SMOC2: variants seen among roughly 807,000 people sequenced by gnomAD.
The protein encoded by SMOC2 is SPARC related modular calcium binding 2, also known as SPARC-related modular calcium-binding protein 2.
A neutral mutation model predicts 61.4 loss-of-function variants in SMOC2; 39 were observed. That is an observed-to-expected ratio of 0.64 (90% CI 0.49 to 0.83). SMOC2 has a LOEUF of 0.83. Ranked by LOEUF, SMOC2 falls within the 40% of genes least tolerant of loss-of-function variation. SMOC2 has a pLI of 0.00. For synonymous variants in SMOC2, 247 were observed against 239.9 expected (o/e 1.03, Z -0.27); for missense variants, 556 against 592.9 (o/e 0.94, Z 0.65).
chr6:168,545,445 CGA>C (rs983319007), intron 5 of SMOC2, among the ~76,000 whole-genome samples: 1 of 152,168 alleles, frequency 6.6e-6, no homozygotes, highest in African/African-American at 2.4e-5. Context: ...CACAGCTCTT[CGA>C]GATTTTTGTT....
intron 12 of SMOC2, 46 bp downstream of exon 12, chr6:168,664,157 A>G (rs1430776274): frequency 6.9e-7 from 1 of 1,450,850 alleles, no homozygotes; most frequent in African/African-American, 1.4e-5. Flanking sequence ...TTTTTAAATT[A>G]TAAACAATAA....
chr6:168,598,957 G>T lies in SMOC2; in HGVS notation c.777G>T (p.Trp259Cys). ...VQCHPSTGYC[W>C]CVLVDTGRPI... Reference sequence around the variant, plus strand: ...GCCACCCCTCCACGGGGTACTGCTGGTGCGTCCTGGTGGACACGGGGCGCC... The same window carrying T: ...GCCACCCCTCCACGGGGTACTGCTGTTGCGTCCTGGTGGACACGGGGCGCC... The change falls in exon 8 of 13, where the codon TGG becomes TGT. Residue 259 changes from tryptophan to cysteine, a missense_variant. Physicochemically the swap from Trp to Cys is radical, Grantham distance 215. Coordinates refer to ENST00000356284, the MANE Select transcript of SMOC2 (RefSeq NM_001166412.2). 1 of 1,613,168 alleles carries T rather than the reference G, an allele frequency of 6.2e-7. No individual in the cohort carries two copies.
chr6:168,604,492 C>T (rs1785636501), intron 8 of SMOC2, among the ~76,000 whole-genome samples: 1 of 152,134 alleles, frequency 6.6e-6, no homozygotes, highest in African/African-American at 2.4e-5. Flanking sequence ...ATTGAGTAAC[C>T]AGGTCGCATT....
chr6:168,659,516 T>G (rs1787421687), intron 11 of SMOC2, among the ~76,000 whole-genome samples: 2 of 150,972 alleles, frequency 1.3e-5, no homozygotes, highest in Non-Finnish European at 3.0e-5. Context: ...GGGTGGAGGT[T>G]GTAGGTTGGG....
chr6:168,563,608 G>C (rs960462904), intron 7 of SMOC2, among the ~76,000 whole-genome samples: 3 of 152,134 alleles, frequency 2.0e-5, no homozygotes, highest in Admixed American at 1.3e-4. Flanking sequence ...GGAAGGTGAT[G>C]AGGTTGTGAG....
chr6:168,497,421 C>T (rs1027526284), intron 1 of SMOC2, among the ~76,000 whole-genome samples: 8 of 152,200 alleles, frequency 5.3e-5, no homozygotes, highest in Non-Finnish European at 8.8e-5. Context: ...GAAAAGAATT[C>T]GCCCTTCCTT....
In SMOC2 at chr6:168,542,852, G is replaced by GA. The variant is rs569101304; in HGVS notation, c.464-764dup. Among the ~76,000 whole-genome samples, 689 of 149,984 alleles carry GA rather than the reference G, an allele frequency of 4.6e-3. 2 individuals are homozygous for GA. Among genetic ancestry groups the GA allele is most frequent in the Non-Finnish European group, 8.3e-3 (558 of 67,436 alleles). On this transcript the variant is annotated intron_variant, in intron 4 of 12. Coordinates refer to ENST00000356284, the MANE Select transcript of SMOC2 (RefSeq NM_001166412.2). ...CTGTATTTCTGTCATATGCAAAATTGAAAAAAAAAGAAAACAAAAACAAAT... is the reference window on the plus strand; with the variant it reads ...CTGTATTTCTGTCATATGCAAAATTGAAAAAAAAAAGAAAACAAAAACAAAT...
intron 7 of SMOC2, among the ~76,000 whole-genome samples, chr6:168,567,869 T>C (rs1431012841): frequency 1.3e-5 from 2 of 150,490 alleles, no homozygotes; most frequent in Non-Finnish European, 3.0e-5. Flanking sequence ...TATTAGAATT[T>C]AGTGCGTCTT....
At chr6:168,531,315 T>G (rs1783596326) in intron 4 of SMOC2, among the ~76,000 whole-genome samples, 1 of 152,236 alleles carries the variant, frequency 6.6e-6, no homozygotes, top group African/African-American at 2.4e-5. Flanking sequence ...CGTGTACATT[T>G]ATCTTTTGTG....
chr6:168,516,675 C>A (rs558876108), intron 2 of SMOC2, among the ~76,000 whole-genome samples: 1 of 152,118 alleles, frequency 6.6e-6, no homozygotes, highest in African/African-American at 2.4e-5. Flanking sequence ...CAATCAGATT[C>A]GAATCTCCAC....
chr6:168,507,674 A>G (rs1282238277), intron 1 of SMOC2, among the ~76,000 whole-genome samples: 1 of 152,242 alleles, frequency 6.6e-6, no homozygotes, highest in Non-Finnish European at 1.5e-5. Flanking sequence ...CTGTGGCAGA[A>G]TTCAACAGAA....
At chr6:168,628,864 C>A (rs948616492) in intron 9 of SMOC2, among the ~76,000 whole-genome samples, 4 of 152,244 alleles carry the variant, frequency 2.6e-5, no homozygotes, top group Non-Finnish European at 4.4e-5. Flanking sequence ...GCTGCAGAGA[C>A]CACTCTTCTC....
At chr6:168,445,916 G>A (rs751593272) in intron 1 of SMOC2, among the ~76,000 whole-genome samples, 25 of 152,228 alleles carry the variant, frequency 1.6e-4, no homozygotes, top group Non-Finnish European at 3.1e-4. Flanking sequence ...AACGTCAGTT[G>A]CAATGGCTCA....
intron 4 of SMOC2, among the ~76,000 whole-genome samples, chr6:168,542,851 T>TC (rs1783902075): frequency 6.6e-6 from 1 of 151,944 alleles, no homozygotes; most frequent in Non-Finnish European, 1.5e-5. Flanking sequence ...TATGCAAAAT[T>TC]GAAAAAAAAA....
At chr6:168,569,999 C>T (rs1784627229) in intron 7 of SMOC2, among the ~76,000 whole-genome samples, 1 of 152,172 alleles carries the variant, frequency 6.6e-6, no homozygotes, top group Admixed American at 6.5e-5. Flanking sequence ...TTACACGTAG[C>T]TCTGTGGTAT....
chr6:168,662,956 G>T lies in SMOC2; in HGVS notation c.1286-1118G>T, dbSNP rs561684611. Among the ~76,000 whole-genome samples the T allele has an allele frequency of 1.1e-4, 16 of 152,338 alleles. No individual in the cohort carries two copies. In the East Asian group the frequency reaches 2.3e-3, roughly 22 times the overall value. The stretch of plus-strand genomic sequence containing the variant: ...TTTGCAAGGGAAGATAATGAGTCCA[G>T]TTGGGTCCTGTTTCTTTTGAGCTGC... On this transcript the variant is annotated intron_variant, in intron 11 of 12. Transcript: ENST00000356284.
At chr6:168,630,575 C>A (rs185504594) in intron 9 of SMOC2, among the ~76,000 whole-genome samples, 1 of 152,120 alleles carries the variant, frequency 6.6e-6, no homozygotes, top group Admixed American at 6.5e-5. Context: ...AATCTGGGCA[C>A]CTTGAAAAAA....
intron 7 of SMOC2, among the ~76,000 whole-genome samples, chr6:168,569,327 C>G (rs1784615153): frequency 6.6e-6 from 1 of 152,086 alleles, no homozygotes; most frequent in Non-Finnish European, 1.5e-5. Context: ...TGTATATCTT[C>G]TTTGATAGGG....
At chr6:168,587,101 A>AG (rs1464958987) in intron 7 of SMOC2, among the ~76,000 whole-genome samples, 1 of 152,270 alleles carries the variant, frequency 6.6e-6, no homozygotes, top group Non-Finnish European at 1.5e-5. Context: ...GTTTTGCTAT[A>AG]GCTGAAAACA....
Sources: gnomAD v4.1 joint callset for allele counts (sites outside exome capture counted in the v4.1 genomes callset) on GRCh38, gnomAD v4.1.1 for gene constraint, MANE v1.5 for transcripts, NCBI Gene and HGNC (gene_info 2026-07-23, HGNC 2026-07-21) for gene names.